ADPRM: variants seen among roughly 807,000 people sequenced by gnomAD.
ADPRM encodes the protein ADP-ribose/CDP-alcohol diphosphatase, manganese dependent, also known as manganese-dependent ADP-ribose/CDP-alcohol diphosphatase.
A neutral mutation model predicts 27.2 loss-of-function variants in ADPRM; 17 were observed. The observed-to-expected ratio is 0.63, with a 90% CI of 0.43 to 0.94. ADPRM has a LOEUF of 0.94. ADPRM is among the 40% of genes least tolerant of loss of function. The pLI is 0.00. For synonymous variants in ADPRM, 135 were observed against 145.3 expected (o/e 0.93, Z 0.51); for missense variants, 337 against 412.8 (o/e 0.82, Z 1.59).
At chr17:10,710,638 CCTT>C (rs1377197997) in intron 3 of ADPRM, among the ~76,000 whole-genome samples, 193 bp from the exon 4 acceptor site, 3 of 152,152 alleles carry the variant, frequency 2.0e-5, no homozygotes, top group Admixed American at 6.5e-5. Flanking sequence ...ACTGTCTTAC[CCTT>C]CTTCTATGCT....
rs57337863 is a variant in ADPRM, at chr17:10,708,450, A to AAAAC, written c.718+1896_718+1897insAAAC. 2.5e-3 allele frequency among the ~76,000 whole-genome samples: 292 copies of AAAAC among 118,914 alleles called. 27 individuals are homozygous for AAAAC. Among genetic ancestry groups the AAAAC allele is most frequent in the African/African-American group, 8.8e-3 (251 of 28,630 alleles). 78.0% of individuals were successfully genotyped at this position (118,914 alleles called of 152,430 possible). On this transcript the variant is annotated intron_variant, in intron 3 of 3. Coordinates refer to ENST00000379774, the MANE Select transcript of ADPRM (RefSeq NM_020233.5). ...GTCTCAAAAAAAAAAAAAAAAAAAA[A>AAAAC]CCTTTGAAAATGATAGGCTATTCAG... is the stretch of plus-strand genomic sequence containing the variant.
chr17:10,706,386 C>A, intron 2 of ADPRM, 52 bp from the exon 3 acceptor site: 1 of 1,304,178 alleles, frequency 7.7e-7, no homozygotes, highest in Non-Finnish European at 1.1e-6. Context: ...TTTGAATGTC[C>A]AAATGAGGGG....
intron 1 of ADPRM, among the ~76,000 whole-genome samples, chr17:10,699,518 C>CTTTTTTTTTTTTTTTTTTTTTTT (rs781412834): frequency 8.8e-6 from 1 of 113,340 alleles, no homozygotes; most frequent in African/African-American, 3.4e-5. Context: ...TCTTTTCTTT[C>CTTTTTTTTTTTTTTTTTTTTTTT]TTTTTTTTTT....
intron 3 of ADPRM, among the ~76,000 whole-genome samples, chr17:10,710,391 C>T (rs1237958905): frequency 6.6e-6 from 1 of 152,240 alleles, no homozygotes; most frequent in East Asian, 1.9e-4. Context: ...CATGAGCCAC[C>T]ACACCCAGCC....
chr17:10,708,989 G>T (rs2074832600), intron 3 of ADPRM, among the ~76,000 whole-genome samples: 1 of 152,194 alleles, frequency 6.6e-6, no homozygotes, highest in East Asian at 1.9e-4. Flanking sequence ...ACCATTTGAT[G>T]TAAGCCTAGA....
intron 3 of ADPRM, among the ~76,000 whole-genome samples, chr17:10,709,704 A>G (rs762329675): frequency 2.0e-5 from 3 of 148,706 alleles, no homozygotes; most frequent in Admixed American, 1.3e-4. Context: ...TAAGGTGGTA[A>G]TCAGCACATG....
At chr17:10,698,968 AG>A (rs1205631010) in intron 1 of ADPRM, 1 of 152,216 alleles carries the variant, frequency 6.6e-6, no homozygotes, top group African/African-American at 2.4e-5. Flanking sequence ...GCCCAATTGT[AG>A]GTTACCTGAT....
chr17:10,706,479 A>G lies in ADPRM; in HGVS notation c.643A>G (p.Ser215Gly). The change falls in exon 3 of 4, where the codon AGC (serine) becomes GGC (glycine). Residue 215 changes from serine to glycine, a missense_variant. Coordinates refer to ENST00000379774, the MANE Select transcript of ADPRM (RefSeq NM_020233.5). The part of the protein sequence containing the change: ...PQFVQFNGGF[S>G]QEQLNWLNEV... ...GTTTGTCCAGTTTAATGGAGGATTC[A>G]GCCAAGAACAGCTAAACTGGTTGAA... The G allele has an allele frequency of 6.2e-7, 1 of 1,601,272 alleles. No homozygotes were observed. The highest frequency in any genetic ancestry group is 1.1e-5 in the South Asian group (1 of 87,750).
chr17:10,706,902 AATTCAGAGCAATCACTT>A (rs1350639204), intron 3 of ADPRM, among the ~76,000 whole-genome samples: 2 of 152,174 alleles, frequency 1.3e-5, no homozygotes, highest in Non-Finnish European at 2.9e-5. Flanking sequence ...TGTAAGAAAT[AATTCAGAGCAATCACTT>A]ATATGCTTTG....
At chr17:10,701,925 T>G (rs1400210061) in intron 1 of ADPRM, among the ~76,000 whole-genome samples, 1 of 152,156 alleles carries the variant, frequency 6.6e-6, no homozygotes, top group Non-Finnish European at 1.5e-5. Flanking sequence ...GAGAGTCAAT[T>G]CCCTGACCAC....
chr17:10,705,225 T>A lies in ADPRM; in HGVS notation c.299T>A (p.Leu100His). 6.2e-7 allele frequency: 1 copy of A among 1,614,130 alleles called. No individual in the cohort carries two copies. The change falls in exon 2 of 4, where the codon CTT becomes CAT. Residue 100 changes from leucine (L) to histidine (H), a missense_variant. Physicochemically the swap from Leu to His is moderately conservative, Grantham distance 99. Coordinates refer to ENST00000379774, the MANE Select transcript of ADPRM (RefSeq NM_020233.5). This position sits in a 1 kb window ranked among gnomAD's most constrained non-coding sequence, Gnocchi z 5.4. ...CTTGTTATGGACATGTTCAAGAGGC[T>A]TAAAGTTCCAGTTCATCATACATGG... ...LELVMDMFKR[L>H]KVPVHHTWGN...
chr17:10,702,712 C>T lies in ADPRM; in HGVS notation c.-17-2198C>T, dbSNP rs1039156673. Reference sequence around the variant, plus strand: ...CTGGCCAGAGGAAACTGGGTTTTTACGGGCCAGGTCTGGGCCATGTGTCTG... The same window carrying T: ...CTGGCCAGAGGAAACTGGGTTTTTATGGGCCAGGTCTGGGCCATGTGTCTG... On this transcript the variant is annotated intron_variant, in intron 1 of 3. Transcript: ENST00000379774. The surrounding 1 kb of genome is among the most constrained non-coding windows in gnomAD (Gnocchi z 4.2). Among the ~76,000 whole-genome samples the T allele has an allele frequency of 2.0e-5, 3 of 152,150 alleles. No individual in the cohort carries two copies. The highest frequency in any genetic ancestry group is 7.2e-5 in the African/African-American group (3 of 41,420).
At chr17:10,704,064 C>G (rs2151462859) in intron 1 of ADPRM, among the ~76,000 whole-genome samples, 1 of 152,128 alleles carries the variant, frequency 6.6e-6, no homozygotes, top group Middle Eastern at 3.4e-3. Context: ...GGATCCAGGG[C>G]TGGGTGTGGT....
In ADPRM at chr17:10,705,630, T is replaced by C; in HGVS notation, c.601+103T>C. The C allele has an allele frequency of 6.8e-7, 1 of 1,473,910 alleles. No individual in the cohort carries two copies. Among genetic ancestry groups the C allele is most frequent in the African/African-American group, 1.4e-5 (1 of 71,262 alleles). The allele number at this position is 1,473,910 out of a possible 1,614,324, so 91.3% of individuals were successfully genotyped here. On this transcript the variant is annotated intron_variant, in intron 2 of 3. Coordinates refer to ENST00000379774, the MANE Select transcript of ADPRM (RefSeq NM_020233.5). This position sits in a 1 kb window ranked among gnomAD's most constrained non-coding sequence, Gnocchi z 5.4. ...GGACAATTAAGGTAAAAGTATATTG[T>C]CACTTGTTCAGGGTCAGGATTTCTC...
rs577792825 is a variant in ADPRM at position 10,697,935 on chromosome 17, C to G, written c.-18+268C>G. ...CACGGGACTGGGCAGCCCCCATAAC[C>G]CTACCTTGTCTGGCCGACTTTGTCA... On this transcript the variant is annotated intron_variant, in intron 1 of 3. Coordinates refer to ENST00000379774, the MANE Select transcript of ADPRM (RefSeq NM_020233.5). The G allele has an allele frequency of 2.7e-5, 5 of 185,024 alleles. No homozygotes were observed. In the South Asian group the frequency reaches 6.5e-4, roughly 24 times the overall value. The allele number at this position is 185,024 out of a possible 1,614,324, so 11.5% of individuals were successfully genotyped here. A position where few individuals can be genotyped will look rare whatever the true frequency, so the allele number is the denominator to read the frequency against.
At chr17:10,708,599 G>A (rs1270457063) in intron 3 of ADPRM, among the ~76,000 whole-genome samples, 1 of 152,128 alleles carries the variant, frequency 6.6e-6, no homozygotes, top group Non-Finnish European at 1.5e-5. Flanking sequence ...GGAATACCAG[G>A]TGTCATTCAA....
rs1597512091 is a variant in ADPRM at position 10,697,602 on chromosome 17, C to A, written c.-83C>A. ...TCGGAAGGAGTCGCTCTGTCCGTCC[C>A]GCTCGTTGGTGGCGCTGTTACATAG... On this transcript the variant is annotated 5_prime_UTR_variant, in exon 1 of 4. Transcript: ENST00000379774. 5 of 1,483,828 alleles carry A rather than the reference C, an allele frequency of 3.4e-6. No homozygotes were observed. The East Asian group carries it at 1.2e-4, about 35-fold the overall frequency. The allele number at this position is 1,483,828 out of a possible 1,614,324, so 91.9% of individuals were successfully genotyped here.
chr17:10,697,684 G>A lies in ADPRM; in HGVS notation c.-18+17G>A. 2 of 797,486 alleles carry A rather than the reference G, an allele frequency of 2.5e-6. No individual in the cohort carries two copies. Among genetic ancestry groups the A allele is most frequent in the Non-Finnish European group, 4.1e-6 (2 of 488,302 alleles). 49.4% of individuals were successfully genotyped at this position (797,486 alleles called of 1,614,324 possible). A position where few individuals can be genotyped will look rare whatever the true frequency, so the allele number is the denominator to read the frequency against. On this transcript the variant is annotated intron_variant, in intron 1 of 3. Transcript: ENST00000379774. ...CGGCGCACGGTAGGTAGTTCCCTGC[G>A]GCTGGAGGCGGGTCTGGCGCGGGCT... is the stretch of plus-strand genomic sequence containing the variant.
chr17:10,699,351 G>C (rs2151460832), intron 1 of ADPRM: 1 of 152,168 alleles, frequency 6.6e-6, no homozygotes, highest in South Asian at 2.1e-4. Flanking sequence ...TGAATTGCTA[G>C]TAACACCTGA....
Sources: allele counts gnomAD v4.1 joint callset (sites outside exome capture counted in the v4.1 genomes callset), GRCh38; gene constraint gnomAD v4.1.1; non-coding constraint Gnocchi (gnomAD v3.1); transcripts MANE v1.5; gene names NCBI Gene and HGNC (gene_info 2026-07-23, HGNC 2026-07-21).